TRIM9: variants seen among roughly 807,000 people sequenced by gnomAD.
TRIM9 encodes tripartite motif containing 9.
In TRIM9, 26 loss-of-function variants were observed where a neutral mutation model predicts 78.3. The ratio of observed to expected loss-of-function variants is 0.33; its 90% CI spans 0.24 to 0.46. The LOEUF (loss-of-function observed/expected upper bound fraction) is 0.46. TRIM9 is among the 20% of genes least tolerant of loss of function. The pLI, the probability that TRIM9 is intolerant of heterozygous loss-of-function variation, is 1.00. For synonymous variants in TRIM9, 398 were observed against 416.5 expected, an observed-to-expected ratio of 0.96 and a Z score of 0.54; for missense variants, 787 against 1,036.4, an observed-to-expected ratio of 0.76 and a Z score of 3.30.
intron 1 of TRIM9, among the ~76,000 whole-genome samples, chr14:51,057,612 A>C (rs907667668): frequency 6.6e-6 from 1 of 152,230 alleles, no homozygotes; most frequent in African/African-American, 2.4e-5. Flanking sequence ...GGTCCACCCA[A>C]AATATGAAAT....
intron 1 of TRIM9, chr14:51,091,406 G>C (rs1159670021): frequency 6.6e-6 from 1 of 152,012 alleles, no homozygotes; most frequent in Non-Finnish European, 1.5e-5. Flanking sequence ...TTCAGGTCTA[G>C]TAATAACCTG....
chr14:50,986,246 T>A, intron 7 of TRIM9, 102 bp from the exon 8 acceptor site: 4 of 1,042,090 alleles, frequency 3.8e-6, no homozygotes, highest in Admixed American at 3.9e-5. Context: ...ATACAAAGCC[T>A]CATCTTTCCC....
In TRIM9 at chr14:51,093,752, C is replaced by A. The variant is rs76456321; in HGVS notation, c.822+366G>T. 3.7e-3 allele frequency among the ~76,000 whole-genome samples: 557 copies of A among 152,346 alleles called. 4 individuals are homozygous for A. The highest frequency in any genetic ancestry group is 0.013 in the African/African-American group (540 of 41,580). ...CCGCCCTGCCCTCGAGCGTGCCTAG[C>A]GGCCCTGGGCACTGGCGCGGCTCTA... On this transcript the variant is annotated intron_variant, in intron 1 of 12. Coordinates refer to ENST00000684578, the MANE Select transcript of TRIM9 (RefSeq NM_001387360.1).
intron 1 of TRIM9, among the ~76,000 whole-genome samples, chr14:51,054,387 C>G (rs918538234): frequency 6.6e-6 from 1 of 152,192 alleles, no homozygotes; most frequent in Non-Finnish European, 1.5e-5. Context: ...ATACTCCCAC[C>G]TCAGCCTCCC....
In TRIM9 at chr14:50,997,967, G is replaced by A. The variant is rs773840685; in HGVS notation, c.1603+83C>T. The stretch of plus-strand genomic sequence containing the variant: ...TGGAAACACTTCAGGAATGTGGGCA[G>A]TGGTGGGGTTACCTCCGGGCTTGCC... On this transcript the variant is annotated intron_variant, in intron 7 of 12. Coordinates refer to ENST00000684578, the MANE Select transcript of TRIM9 (RefSeq NM_001387360.1). The A allele has an allele frequency of 1.9e-6, 3 of 1,587,454 alleles. No homozygotes were observed. In the Admixed American group the frequency reaches 5.3e-5, roughly 28 times the overall value.
chr14:50,979,663 A>C, intron 11 of TRIM9, 114 bp from the exon 12 acceptor site: 5 of 857,780 alleles, frequency 5.8e-6, no homozygotes, highest in Non-Finnish European at 7.5e-6. Context: ...TCACTACCCC[A>C]AAACCGTTTC....
Position 51,009,509 on chromosome 14 carries a change from T to C in TRIM9, c.1153-276A>G, listed in dbSNP as rs113320778. 9.8e-5 allele frequency among the ~76,000 whole-genome samples: 15 copies of C among 152,348 alleles called. 1 individual carries two copies. Among genetic ancestry groups the C allele is most frequent in the African/African-American group, 3.4e-4 (14 of 41,580 alleles). On this transcript the variant is annotated intron_variant, in intron 4 of 12. Transcript: ENST00000684578. Reference sequence around the variant, plus strand: ...CAAATCTGAATATATGATCATGCTATTTATGACAGATTTACTAAATGCCAA... The same window carrying C: ...CAAATCTGAATATATGATCATGCTACTTATGACAGATTTACTAAATGCCAA...
chr14:51,061,092 C>T (rs2140156181), intron 1 of TRIM9, among the ~76,000 whole-genome samples: 1 of 152,180 alleles, frequency 6.6e-6, no homozygotes, highest in African/African-American at 2.4e-5. Flanking sequence ...TGTGAAGTGT[C>T]TGCTCGAGTA....
chr14:51,084,604 T>C (rs1596329814), intron 1 of TRIM9, among the ~76,000 whole-genome samples: 5 of 152,354 alleles, frequency 3.3e-5, no homozygotes, highest in Admixed American at 3.3e-4. Context: ...TTAGACTTAC[T>C]AGATTGGATG....
intron 6 of TRIM9, 135 bp from the exon 7 acceptor site, chr14:50,998,323 G>T: frequency 2.5e-6 from 2 of 815,768 alleles, no homozygotes; most frequent in Non-Finnish European, 3.9e-6. Context: ...TGAGATATTG[G>T]GCCATTTAAT....
intron 1 of TRIM9, among the ~76,000 whole-genome samples, chr14:51,060,529 C>T (rs1048368961): frequency 1.3e-5 from 2 of 152,066 alleles, no homozygotes; most frequent in Admixed American, 6.5e-5. Context: ...TGCAGTGGCA[C>T]GATCTCGGCT....
At chr14:50,999,690 T>A (rs2054691183) in intron 6 of TRIM9, among the ~76,000 whole-genome samples, 1 of 151,822 alleles carries the variant, frequency 6.6e-6, no homozygotes, top group Admixed American at 6.6e-5. Flanking sequence ...GGGCCTGAGG[T>A]TTTTTTAGAC....
intron 1 of TRIM9, chr14:51,090,632 C>T (rs2064218147): frequency 6.6e-6 from 1 of 152,110 alleles, no homozygotes. Context: ...AGTCTTGCAT[C>T]GTCACCCAGG....
chr14:51,029,101 G>C (rs963635222), intron 1 of TRIM9, among the ~76,000 whole-genome samples: 5 of 152,152 alleles, frequency 3.3e-5, no homozygotes, highest in Non-Finnish European at 5.9e-5. Flanking sequence ...GCAGAAGACA[G>C]TATCTTCTTT....
chr14:50,979,277 T>C (rs2139275433), intron 12 of TRIM9, 110 bp downstream of exon 12: 1 of 1,585,154 alleles, frequency 6.3e-7, no homozygotes, highest in Non-Finnish European at 8.6e-7. Context: ...TATCTTGGTC[T>C]GGGCCTTACG....
intron 1 of TRIM9, among the ~76,000 whole-genome samples, chr14:51,037,751 T>A (rs1439908330): frequency 1.3e-5 from 2 of 152,134 alleles, no homozygotes; most frequent in Non-Finnish European, 2.9e-5. Context: ...AACTCCTGTA[T>A]CTAAGATTAA....
intron 7 of TRIM9, among the ~76,000 whole-genome samples, chr14:50,995,064 C>G (rs2054024297): frequency 6.6e-6 from 1 of 152,054 alleles, no homozygotes; most frequent in South Asian, 2.1e-4. Flanking sequence ...GTTGCCCAGG[C>G]AGGATTCAAA....
chr14:51,030,586 G>A (rs1192088874), intron 1 of TRIM9, among the ~76,000 whole-genome samples: 2 of 151,860 alleles, frequency 1.3e-5, no homozygotes, highest in Non-Finnish European at 2.9e-5. Context: ...GTGTGCATAT[G>A]GTGTGTGTGT....
At chr14:51,031,147 C>CAAAAAAAAAAAAAAAAAAAGAAA (rs1210514761) in intron 1 of TRIM9, among the ~76,000 whole-genome samples, 1 of 100,766 alleles carries the variant, frequency 9.9e-6, no homozygotes, top group African/African-American at 4.0e-5. Context: ...AAACTCTTTC[C>CAAAAAAAAAAAAAAAAAAAGAAA]AAAAAAAAAA....
Sources: gnomAD v4.1 joint callset for allele counts (sites outside exome capture counted in the v4.1 genomes callset) on GRCh38, gnomAD v4.1.1 for gene constraint, MANE v1.5 for transcripts, NCBI Gene and HGNC (gene_info 2026-07-23, HGNC 2026-07-21) for gene names.